Variants in TMPRSS9 observed in about 807,000 individuals in gnomAD.
TMPRSS9 encodes the protein transmembrane serine protease 9.
TMPRSS9 carries 113 observed loss-of-function variants against 111.4 expected under a neutral mutation model. The ratio of observed to expected loss-of-function variants is 1.01; its 90% CI spans 0.87 to 1.19. The LOEUF is 1.19. Among genes scored for constraint, TMPRSS9 ranks in the 50% most tolerant of loss-of-function variants. The pLI is 0.00. For missense variants in TMPRSS9, 1,803 were observed against 1,513.1 expected (o/e 1.19, Z -3.18); for synonymous variants, 805 against 659.1 (o/e 1.22, Z -3.39).
At position 2,412,776 on chromosome 19, in the gene TMPRSS9, CTT is replaced by C. The variant is rs760779353; in HGVS notation, c.1255-923_1255-922del. Reference sequence around the variant, plus strand: ...TGTCTTTCTTGTGCATACCTTTGCTCTTGTTTCTAAGGCCTGGTGGGTGAGGA... The same window carrying C: ...TGTCTTTCTTGTGCATACCTTTGCTCGTTTCTAAGGCCTGGTGGGTGAGGA... On this transcript the variant is annotated intron_variant, in intron 9 of 17. Coordinates refer to ENST00000648592, the Ensembl canonical transcript of TMPRSS9. 4.6e-5 allele frequency among the ~76,000 whole-genome samples: 7 copies of C among 152,106 alleles called. 1 individual carries two copies. The highest frequency in any genetic ancestry group is 8.8e-5 in the Non-Finnish European group (6 of 68,028).
intron 4 of TMPRSS9, among the ~76,000 whole-genome samples, chr19:2,399,880 A>G (rs907690878): frequency 2.0e-5 from 3 of 152,024 alleles, no homozygotes; most frequent in African/African-American, 4.8e-5. Context: ...ACAGGCACGC[A>G]CCACCACGCC....
intron 1 of TMPRSS9, among the ~76,000 whole-genome samples, chr19:2,365,604 A>G (rs1375029312): frequency 7.1e-6 from 1 of 139,886 alleles, no homozygotes; most frequent in Non-Finnish European, 1.5e-5. Context: ...AGGTGAAGGA[A>G]AAAACAAACA....
At chr19:2,424,367 C>T in intron 15 of TMPRSS9, 110 bp downstream of exon 16, 1 of 1,167,134 alleles carries the variant, frequency 8.6e-7, no homozygotes, top group Non-Finnish European at 1.1e-6. Context: ...AGTGCCCTCC[C>T]CAACCCCGGC....
At chr19:2,425,690 C>T in intron 17 of TMPRSS9, 197 bp downstream of exon 18, 1 of 1,235,736 alleles carries the variant, frequency 8.1e-7, no homozygotes, top group Non-Finnish European at 1.1e-6. Context: ...GCATCCCATC[C>T]CCGGGCCTCG....
intron 2 of TMPRSS9, among the ~76,000 whole-genome samples, chr19:2,397,140 T>C (rs1256479156): frequency 1.3e-5 from 2 of 151,938 alleles, no homozygotes; most frequent in Admixed American, 6.6e-5. Context: ...AGGATGGTCT[T>C]GAACTCCTGA....
Position 2,403,195 on chromosome 19 carries a change from G to T in TMPRSS9, c.670G>T (p.Glu224Ter), listed in dbSNP as rs529471001. 6.2e-7 allele frequency: 1 copy of T among 1,602,878 alleles called. No homozygotes were observed. Among genetic ancestry groups the T allele is most frequent in the Non-Finnish European group, 8.5e-7 (1 of 1,175,832 alleles). Residue 224 changes from glutamate (E) to a stop codon, truncating the protein, a stop_gained and splice_region_variant, in exon 6 of 18, where the codon GAG becomes TAG. Transcript: ENST00000648592. LOFTEE classifies it high-confidence loss of function. ...CGATGGGTCCGACGAGGCGCACTGC[G>T]GTCAGTCTGCCTGTCTGGCCTGGTC...
intron 1 of TMPRSS9, among the ~76,000 whole-genome samples, chr19:2,382,669 A>G (rs1250184939): frequency 7.8e-6 from 1 of 128,138 alleles, no homozygotes; most frequent in East Asian, 2.9e-4. Context: ...ACACATGCAC[A>G]CGTGCACACA....
At chr19:2,395,019 G>A (rs1024687273) in intron 1 of TMPRSS9, among the ~76,000 whole-genome samples, 5 of 152,224 alleles carry the variant, frequency 3.3e-5, no homozygotes, top group African/African-American at 4.8e-5. Context: ...GGTGGCTCAC[G>A]CCTGTCATCC....
chr19:2,410,452 A>C (rs1971072200), intron 9 of TMPRSS9, 58 bp downstream of exon 10: 2 of 1,592,764 alleles, frequency 1.3e-6, no homozygotes, highest in Non-Finnish European at 1.7e-6. Context: ...GAGCATGTTC[A>C]AATGCTGAGC....
chr19:2,426,063 G>A lies in TMPRSS9; in HGVS notation c.3257G>A (p.Trp1086Ter), dbSNP rs147580035. 10 of 1,609,318 alleles carry A rather than the reference G, an allele frequency of 6.2e-6. No individual in the cohort carries two copies. The African/African-American group carries it at 9.4e-5, about 15-fold the overall frequency. The change falls in exon 18 of 18, where the codon TGG (tryptophan) becomes TAG (stop). Residue 1086 changes from tryptophan (W) to a stop codon, truncating the protein, a stop_gained. Transcript: ENST00000648592. LOFTEE classifies it high-confidence loss of function. ...ACCCGGGTGGCAGCTGTGAGAGGCT[G>A]GATAGGACAGCACATCCAGGAGTGA...
chr19:2,423,589 G>A (rs1021350407), intron 14 of TMPRSS9, among the ~76,000 whole-genome samples: 1 of 152,130 alleles, frequency 6.6e-6, no homozygotes, highest in African/African-American at 2.4e-5. Flanking sequence ...CCCCTCCATG[G>A]GTGGTAACAG....
intron 12 of TMPRSS9, 46 bp from the exon 14 acceptor site, chr19:2,417,956 C>T (rs1295391319): frequency 3.7e-6 from 6 of 1,609,164 alleles, no homozygotes; most frequent in African/African-American, 2.7e-5. Context: ...TGGAGCTGCT[C>T]TGATGATCAC....
At chr19:2,363,801 T>C (rs1337191852) in intron 1 of TMPRSS9, among the ~76,000 whole-genome samples, 5 of 126,266 alleles carry the variant, frequency 4.0e-5, no homozygotes, top group East Asian at 5.6e-4. Flanking sequence ...TGTGTGTGTG[T>C]GTGCGTGCGC....
chr19:2,409,463 C>T (rs1336271328), intron 8 of TMPRSS9, among the ~76,000 whole-genome samples: 1 of 151,968 alleles, frequency 6.6e-6, no homozygotes, highest in African/African-American at 2.4e-5. Context: ...TCTTAATGTA[C>T]TAAAATGCAC....
At chr19:2,395,551 A>AAT (rs1970687932) in intron 1 of TMPRSS9, among the ~76,000 whole-genome samples, 1 of 151,878 alleles carries the variant, frequency 6.6e-6, no homozygotes, top group Non-Finnish European at 1.5e-5. Context: ...ACATGGAGAA[A>AAT]CCCCATCTGT....
chr19:2,381,987 C>T (rs1249288602), intron 1 of TMPRSS9, among the ~76,000 whole-genome samples: 3 of 152,124 alleles, frequency 2.0e-5, no homozygotes, highest in South Asian at 2.1e-4. Context: ...GGATTACAGG[C>T]GTGTGCCATC....
chr19:2,408,914 A>G (rs1971031012), intron 8 of TMPRSS9, among the ~76,000 whole-genome samples: 1 of 150,754 alleles, frequency 6.6e-6, no homozygotes, highest in African/African-American at 2.4e-5. Context: ...GCTTGAACCC[A>G]GGAGATGGAG....
At chr19:2,411,710 C>T (rs1313548987) in intron 9 of TMPRSS9, among the ~76,000 whole-genome samples, 1 of 152,126 alleles carries the variant, frequency 6.6e-6, no homozygotes, top group East Asian at 1.9e-4. Context: ...CACCACCACG[C>T]CTGGATAATT....
At chr19:2,397,438 C>T (rs1970734027) in intron 2 of TMPRSS9, among the ~76,000 whole-genome samples, 1 of 151,910 alleles carries the variant, frequency 6.6e-6, no homozygotes, top group South Asian at 2.1e-4. Flanking sequence ...TTACAGGCAC[C>T]CACCACCTAG....
Sources: allele counts gnomAD v4.1 joint callset (sites outside exome capture counted in the v4.1 genomes callset), GRCh38; gene constraint gnomAD v4.1.1; transcripts MANE v1.5; gene names NCBI Gene and HGNC (gene_info 2026-07-23, HGNC 2026-07-21).